Variants in CSGALNACT1 observed in about 807,000 individuals in gnomAD.
The protein encoded by CSGALNACT1 is chondroitin sulfate N-acetylgalactosaminyltransferase 1.
In CSGALNACT1, 52 loss-of-function variants were observed where a neutral mutation model predicts 51.0. The observed-to-expected ratio is 1.02, with a 90% CI of 0.82 to 1.29. The LOEUF (loss-of-function observed/expected upper bound fraction) is 1.29, where lower values mean the gene tolerates loss of function less well. Among genes scored for constraint, CSGALNACT1 ranks in the 50% most tolerant of loss-of-function variants. CSGALNACT1 has a pLI of 0.00. For synonymous variants in CSGALNACT1, 341 were observed against 254.4 expected, an observed-to-expected ratio of 1.34 and a Z score of -3.24; for missense variants, 935 against 679.2, an observed-to-expected ratio of 1.38 and a Z score of -4.19.
chr8:19,603,369 G>T (rs982162551), upstream of CSGALNACT1, among the ~76,000 whole-genome samples: 4 of 152,188 alleles, frequency 2.6e-5, no homozygotes, highest in Non-Finnish European at 5.9e-5. Flanking sequence ...GTTCACTGTG[G>T]GTTTACTGTT....
At chr8:19,710,245 T>G (rs1236079228) in intron 1 of CSGALNACT1, among the ~76,000 whole-genome samples, 1 of 152,210 alleles carries the variant, frequency 6.6e-6, no homozygotes, top group East Asian at 1.9e-4. Flanking sequence ...TAACACAGCA[T>G]GACTATATAT....
At chr8:19,589,872 T>C (rs1299018483) in intron 3 of CSGALNACT1, among the ~76,000 whole-genome samples, 1 of 152,140 alleles carries the variant, frequency 6.6e-6, no homozygotes, top group Non-Finnish European at 1.5e-5. Flanking sequence ...AGGCAGTTTG[T>C]GGAAAGAATA....
intron 4 of CSGALNACT1, among the ~76,000 whole-genome samples, chr8:19,502,689 G>C (rs1038240445): frequency 6.6e-6 from 1 of 152,106 alleles, no homozygotes; most frequent in African/African-American, 2.4e-5. Context: ...GGAACCCAAA[G>C]AAGTTATTTT....
At chr8:19,408,847 C>T (rs1486979910) in intron 8 of CSGALNACT1, among the ~76,000 whole-genome samples, 153 bp from the exon 8 acceptor site, 1 of 151,926 alleles carries the variant, frequency 6.6e-6, no homozygotes, top group Non-Finnish European at 1.5e-5. Context: ...GGATTTGAGT[C>T]CTTGCAGACA....
chr8:19,691,457 T>A (rs186428216), intron 1 of CSGALNACT1, among the ~76,000 whole-genome samples: 64 of 152,254 alleles, frequency 4.2e-4, no homozygotes, highest in African/African-American at 1.3e-3. Context: ...CAAACACCAA[T>A]TGCCTTCTCA....
At chr8:19,639,558 T>C (rs1424203791) in intron 1 of CSGALNACT1, among the ~76,000 whole-genome samples, 4 of 152,296 alleles carry the variant, frequency 2.6e-5, no homozygotes, top group South Asian at 4.1e-4. Flanking sequence ...CATAGTTCCA[T>C]AGCAGGACCA....
intron 5 of CSGALNACT1, among the ~76,000 whole-genome samples, chr8:19,446,056 T>C (rs753560639): frequency 2.0e-5 from 3 of 152,070 alleles, no homozygotes; most frequent in Non-Finnish European, 4.4e-5. Flanking sequence ...AGGCCTGTAA[T>C]AGCAGCTATT....
rs571465635 is a variant in CSGALNACT1, at chr8:19,407,802, T to C, written c.1309+811A>G. On this transcript the variant is annotated intron_variant, in intron 9 of 9. Transcript: ENST00000454498. The stretch of plus-strand genomic sequence containing the variant: ...GTGCACATGTGGACATTTGTGTATA[T>C]GAATTGTGTGCGCATGTGGACATTT... 3.3e-5 allele frequency among the ~76,000 whole-genome samples: 5 copies of C among 149,566 alleles called. No homozygotes were observed. In the East Asian group the frequency reaches 9.7e-4, roughly 29 times the overall value.
intron 1 of CSGALNACT1, among the ~76,000 whole-genome samples, chr8:19,652,436 C>T (rs549150711): frequency 2.2e-4 from 34 of 152,126 alleles, no homozygotes; most frequent in African/African-American, 7.7e-4. Context: ...TAGATGCATC[C>T]CCACCTGTCT....
exon 10 of CSGALNACT1, chr8:19,405,089 T>C (rs2053887020): frequency 2.2e-6 from 1 of 453,730 alleles, no homozygotes; most frequent in Admixed American, 2.4e-5. Context: ...TTGTGCTCTC[T>C]TGTAAGGCTT....
upstream of CSGALNACT1, among the ~76,000 whole-genome samples, chr8:19,607,053 G>A (rs1312782376): frequency 6.6e-6 from 1 of 152,028 alleles, no homozygotes; most frequent in African/African-American, 2.4e-5. Context: ...TACTCTGGAG[G>A]CTGAGGCAGG....
chr8:19,523,036 G>T (rs1234774235), intron 3 of CSGALNACT1, among the ~76,000 whole-genome samples: 1 of 152,100 alleles, frequency 6.6e-6, no homozygotes, highest in East Asian at 1.9e-4. Flanking sequence ...TGATCCTTTT[G>T]AATACACTCG....
chr8:19,434,888 A>T (rs991590085), intron 6 of CSGALNACT1, among the ~76,000 whole-genome samples: 1 of 152,150 alleles, frequency 6.6e-6, no homozygotes, highest in East Asian at 1.9e-4. Flanking sequence ...CTGAAAATGG[A>T]CAAACAAAAA....
chr8:19,442,471 C>A (rs1348079536), intron 5 of CSGALNACT1, among the ~76,000 whole-genome samples: 2 of 149,256 alleles, frequency 1.3e-5, no homozygotes, highest in African/African-American at 5.0e-5. Context: ...ATCATAAGGA[C>A]AAAAAACCAA....
intron 3 of CSGALNACT1, among the ~76,000 whole-genome samples, chr8:19,558,679 T>C (rs985928282): frequency 2.0e-5 from 3 of 152,194 alleles, no homozygotes; most frequent in African/African-American, 7.2e-5. Context: ...ACTCAACTAC[T>C]GACTCAACGC....
At chr8:19,477,318 G>A (rs998424019) in intron 4 of CSGALNACT1, among the ~76,000 whole-genome samples, 1 of 152,158 alleles carries the variant, frequency 6.6e-6, no homozygotes, top group Non-Finnish European at 1.5e-5. Flanking sequence ...TCAGAAAAAA[G>A]TTCTGGGTCC....
At chr8:19,748,942 G>A (rs546623764) in intron 1 of CSGALNACT1, among the ~76,000 whole-genome samples, 2 of 151,590 alleles carry the variant, frequency 1.3e-5, no homozygotes, top group South Asian at 2.1e-4. Context: ...TCCAACCTGG[G>A]TGACAGAGTG....
At chr8:19,668,266 A>G (rs1564390122) in intron 1 of CSGALNACT1, among the ~76,000 whole-genome samples, 1 of 152,044 alleles carries the variant, frequency 6.6e-6, no homozygotes, top group Non-Finnish European at 1.5e-5. Context: ...TCAGGGACAA[A>G]GTTTGGGGAC....
At chr8:19,750,413 A>G (rs1028542182) in intron 1 of CSGALNACT1, among the ~76,000 whole-genome samples, 18 of 152,118 alleles carry the variant, frequency 1.2e-4, no homozygotes, top group Admixed American at 1.2e-3. Context: ...CTCTGTCAGT[A>G]GGGGGCAGCG....
Sources: allele counts gnomAD v4.1 joint callset (sites outside exome capture counted in the v4.1 genomes callset), GRCh38; gene constraint gnomAD v4.1.1; transcripts MANE v1.5; gene names NCBI Gene and HGNC (gene_info 2026-07-23, HGNC 2026-07-21).